The following ME3 variants were observed in gnomAD, a reference collection of about 807,000 sequenced individuals.
The protein encoded by ME3 is NADP-dependent malic enzyme, mitochondrial.
ME3 carries 48 observed loss-of-function variants against 68.9 expected under a neutral mutation model. That is an observed-to-expected ratio of 0.70 (90% CI 0.55 to 0.89). ME3 has a LOEUF of 0.89. Among genes scored for constraint, ME3 ranks in the 40% least tolerant of loss-of-function variants. ME3 has a pLI of 0.00. For missense variants in ME3, 675 were observed against 797.4 expected (o/e 0.85, Z 1.85); for synonymous variants, 320 against 318.8 (o/e 1.00, Z -0.04).
At chr11:86,575,642 C>A (rs900604166) in intron 2 of ME3, among the ~76,000 whole-genome samples, 1 of 151,778 alleles carries the variant, frequency 6.6e-6, no homozygotes, top group African/African-American at 2.4e-5. Context: ...CGTGCTCCCC[C>A]CCAGGTTGGG....
chr11:86,494,869 A>T (rs898781301), intron 6 of ME3, among the ~76,000 whole-genome samples: 2 of 152,202 alleles, frequency 1.3e-5, no homozygotes, highest in Non-Finnish European at 2.9e-5. Flanking sequence ...TCACAAAATA[A>T]TCTTAATTGA....
chr11:86,513,235 A>G (rs896150550), intron 4 of ME3, among the ~76,000 whole-genome samples: 1 of 152,216 alleles, frequency 6.6e-6, no homozygotes, highest in Non-Finnish European at 1.5e-5. Context: ...TGAGCTACTA[A>G]AATTTCAAAG....
intron 2 of ME3, among the ~76,000 whole-genome samples, chr11:86,569,829 A>C (rs1263432789): frequency 6.6e-6 from 1 of 152,224 alleles, no homozygotes. Flanking sequence ...GCTGGTGGGA[A>C]AACCAGGAGT....
At chr11:86,578,364 C>A (rs1338954095) in intron 2 of ME3, among the ~76,000 whole-genome samples, 2 of 152,074 alleles carry the variant, frequency 1.3e-5, no homozygotes, top group African/African-American at 4.8e-5. Flanking sequence ...TTGATGGACT[C>A]AGCTTGGGAG....
chr11:86,505,276 C>T (rs1952996809), intron 5 of ME3, among the ~76,000 whole-genome samples: 1 of 151,970 alleles, frequency 6.6e-6, no homozygotes, highest in Non-Finnish European at 1.5e-5. Flanking sequence ...GGAGGAACCT[C>T]CAGAAAAAGG....
At position 86,650,083 on chromosome 11, in the gene ME3, C is replaced by A. The variant is rs927508070; in HGVS notation, c.183+21679G>T. Among the ~76,000 whole-genome samples the A allele has an allele frequency of 3.1e-4, 47 of 152,186 alleles. 2 individuals carry two copies. The highest frequency in any genetic ancestry group is 1.2e-4 in the Non-Finnish European group (8 of 68,042). ...TACTACGATGCTACAGTAAACAAAA[C>A]AGCTTGGTACTGGTACCAAAACAGA... is the stretch of plus-strand genomic sequence containing the variant. On this transcript the variant is annotated intron_variant, in intron 2 of 14. Transcript: ENST00000543262.
chr11:86,595,046 T>C (rs1959199252), intron 2 of ME3, among the ~76,000 whole-genome samples: 1 of 145,328 alleles, frequency 6.9e-6, no homozygotes, highest in South Asian at 2.3e-4. Flanking sequence ...TGGTCAACTA[T>C]AGAGCATTCA....
chr11:86,659,160 G>C (rs2135479484), intron 2 of ME3, among the ~76,000 whole-genome samples: 1 of 152,302 alleles, frequency 6.6e-6, no homozygotes, highest in East Asian at 1.9e-4. Flanking sequence ...ATCAGAAACG[G>C]ACACACAGGA....
chr11:86,555,034 T>C (rs1055434124), intron 4 of ME3, among the ~76,000 whole-genome samples: 1 of 151,924 alleles, frequency 6.6e-6, no homozygotes, highest in Non-Finnish European at 1.5e-5. Context: ...ACCCTTGGGG[T>C]GGGCCTTGAA....
chr11:86,603,198 A>C lies in ME3; in HGVS notation c.184-43375T>G, dbSNP rs867190927. On this transcript the variant is annotated intron_variant, in intron 2 of 14. Transcript: ENST00000543262. ...GGGAGAAAATTTTCGCAACCTACTC[A>C]TCTGACAAAGGGCTAATATCCAGAA... Among the ~76,000 whole-genome samples, 6 of 152,288 alleles carry C rather than the reference A, an allele frequency of 3.9e-5. No homozygotes were observed. The South Asian group carries it at 1.0e-3, about 26-fold the overall frequency.
intron 4 of ME3, among the ~76,000 whole-genome samples, chr11:86,548,380 A>G (rs868359504): frequency 2.6e-5 from 4 of 152,188 alleles, no homozygotes; most frequent in African/African-American, 4.8e-5. Context: ...CAGCTGAACA[A>G]CCTTATGCTT....
At chr11:86,450,444 G>C (rs1410270792) in intron 8 of ME3, 46 bp from the exon 9 acceptor site, 1 of 1,527,012 alleles carries the variant, frequency 6.5e-7, no homozygotes, top group Non-Finnish European at 9.0e-7. Flanking sequence ...CAGGCCGCCA[G>C]CTCCCAAGAG....
At chr11:86,465,284 GAGGTGC>G (rs1222483334) in intron 7 of ME3, 84 bp from the exon 8 acceptor site, 1 of 1,014,692 alleles carries the variant, frequency 9.9e-7, no homozygotes, top group East Asian at 2.5e-5. Context: ...GTGGGGTGGG[GAGGTGC>G]AGGCCTGGGG....
chr11:86,461,336 C>G (rs919275867), intron 8 of ME3, among the ~76,000 whole-genome samples: 3 of 152,088 alleles, frequency 2.0e-5, no homozygotes, highest in African/African-American at 7.2e-5. Flanking sequence ...GGGATGTTGC[C>G]AGGCACTTGT....
chr11:86,507,430 TGA>T lies in ME3; in HGVS notation c.543+1360_543+1361del, dbSNP rs375064769. On this transcript the variant is annotated intron_variant, in intron 5 of 14. Transcript: ENST00000543262. The stretch of plus-strand genomic sequence containing the variant: ...GCCTCCCAGGCAAGGCAGGGTGATG[TGA>T]GCATTGGCCTTGGAAGTTCCTTGTA... Among the ~76,000 whole-genome samples, 1,043 of 152,272 alleles carry T rather than the reference TGA, an allele frequency of 6.8e-3. 11 individuals carry two copies. The highest frequency in any genetic ancestry group is 0.024 in the African/African-American group (1,002 of 41,560).
At chr11:86,472,755 C>G (rs1950851739) in intron 7 of ME3, among the ~76,000 whole-genome samples, 1 of 152,188 alleles carries the variant, frequency 6.6e-6, no homozygotes, top group Admixed American at 6.5e-5. Flanking sequence ...ACACTATAGG[C>G]ACTGAGTCCT....
At chr11:86,549,062 AG>A (rs1423689746) in intron 4 of ME3, among the ~76,000 whole-genome samples, 1 of 152,212 alleles carries the variant, frequency 6.6e-6, no homozygotes, top group Non-Finnish European at 1.5e-5. Context: ...CAAGCCCTCC[AG>A]GTGATTTTAA....
At chr11:86,475,895 A>AGAGAGAGAGG (rs1951054477) in intron 7 of ME3, among the ~76,000 whole-genome samples, 6 of 149,230 alleles carry the variant, frequency 4.0e-5, no homozygotes, top group Non-Finnish European at 8.9e-5. Context: ...AGAGAGAGAG[A>AGAGAGAGAGG]GAGAGAAAGA....
intron 2 of ME3, among the ~76,000 whole-genome samples, chr11:86,601,296 A>T (rs1409348342): frequency 2.6e-5 from 4 of 152,242 alleles, no homozygotes; most frequent in Non-Finnish European, 4.4e-5. Context: ...ACAGAAATAC[A>T]AACTACCATC....
Sources: allele counts gnomAD v4.1 joint callset (sites outside exome capture counted in the v4.1 genomes callset), GRCh38; gene constraint gnomAD v4.1.1; transcripts MANE v1.5; gene names NCBI Gene and HGNC (gene_info 2026-07-23, HGNC 2026-07-21).